The following COL11A1 variants were observed in gnomAD, a reference collection of about 807,000 sequenced individuals.
COL11A1 encodes the protein collagen type XI alpha 1 chain.
In COL11A1, 74 loss-of-function variants were observed where a neutral mutation model predicts 265.2. The observed-to-expected ratio is 0.28, with a 90% confidence interval of 0.23 to 0.34. COL11A1 has a LOEUF of 0.34. Among genes scored for constraint, COL11A1 ranks in the 10% least tolerant of loss-of-function variants. The probability of loss-of-function intolerance (pLI) is 1.00; values close to 1 mark genes in which losing one functional copy is unlikely to be tolerated. For synonymous variants in COL11A1, 816 were observed against 727.6 expected, an observed-to-expected ratio of 1.12 and a Z score of -1.96; for missense variants, 2,165 against 2,263.6, an observed-to-expected ratio of 0.96 and a Z score of 0.88.
chr1:103,001,965 A>G lies in COL11A1; in HGVS notation c.2102T>C (p.Leu701Pro). The change falls in exon 24 of 67, where the codon CTT (leucine) becomes CCT (proline). Residue 701 changes from leucine (L) to proline (P), a missense_variant. Transcript: ENST00000370096. ...ACCAATTGGACCTTGTGGACCAGGA[A>G]GACCCTATTTTAAAAGAATTTATTT... The part of the protein sequence containing the change: ...GQQGNPGPQG[L>P]PGPQGPIGPP... 6.2e-7 allele frequency: 1 copy of G among 1,612,812 alleles called. No individual in the cohort carries two copies. The highest frequency in any genetic ancestry group is 1.1e-5 in the South Asian group (1 of 91,054).
At position 103,001,316 on chromosome 1, in the gene COL11A1, A is replaced by C. The variant is rs368322814; in HGVS notation, c.2142+609T>G. 7.6e-6 allele frequency: 3 copies of C among 396,450 alleles called. No individual in the cohort carries two copies. In the East Asian group the frequency reaches 1.1e-4, roughly 14 times the overall value. 24.6% of individuals were successfully genotyped at this position (396,450 alleles called of 1,614,324 possible). ...TTTTTTTAATTAATATGTTTGTAGA[A>C]ATCAACAAAAATAATGAAAGAAAAA... On this transcript the variant is annotated intron_variant, in intron 24 of 66. Transcript: ENST00000370096.
chr1:103,044,392 C>G (rs1029643591), intron 4 of COL11A1, among the ~76,000 whole-genome samples: 7 of 152,078 alleles, frequency 4.6e-5, no homozygotes, highest in Admixed American at 1.3e-4. Flanking sequence ...CCAAAACTAA[C>G]TTAAGAAACC....
At chr1:102,890,938 C>G (rs1440353823) in intron 57 of COL11A1, among the ~76,000 whole-genome samples, 1 of 151,788 alleles carries the variant, frequency 6.6e-6, no homozygotes, top group African/African-American at 2.4e-5. Context: ...TCTTTGATAA[C>G]CACAGGAAAA....
chr1:102,979,153 T>A (rs766233238), intron 32 of COL11A1, 49 bp from the exon 33 acceptor site: 8 of 1,545,194 alleles, frequency 5.2e-6, no homozygotes, highest in Non-Finnish European at 7.2e-6. Flanking sequence ...CAGTAAATTA[T>A]GAGCCTGGTG....
intron 4 of COL11A1, among the ~76,000 whole-genome samples, chr1:103,031,637 T>C (rs12725698): frequency 0.081 from 12,286 of 152,068 alleles, 552 homozygotes; most frequent in Middle Eastern, 0.14. Flanking sequence ...ATAGTAATAC[T>C]AAATAAGTAA....
At chr1:102,940,590 G>A (rs528017635) in intron 42 of COL11A1, among the ~76,000 whole-genome samples, 156 bp from the exon 43 acceptor site, 2 of 152,222 alleles carry the variant, frequency 1.3e-5, no homozygotes, top group East Asian at 3.9e-4. Flanking sequence ...CTTCATTTGT[G>A]ACTAAGAATA....
rs757608461 is a variant in COL11A1 at position 102,879,838 on chromosome 1, G to T, written c.5119C>A (p.Arg1707=). 6.2e-7 allele frequency: 1 copy of T among 1,613,940 alleles called. No individual in the cohort carries two copies. The highest frequency in any genetic ancestry group is 8.5e-7 in the Non-Finnish European group (1 of 1,179,900). The change falls in exon 66 of 67, where the codon CGG becomes AGG. Residue 1707 remains arginine (R), a synonymous_variant. Coordinates refer to ENST00000370096, the MANE Select transcript of COL11A1 (RefSeq NM_001854.4). ...TGACAGTGGTAGGTGAAATTTTGCCGAGCAGAGGCAGTCAGAAGTTTCAGG... is the reference window on the plus strand; with the variant it reads ...TGACAGTGGTAGGTGAAATTTTGCCTAGCAGAGGCAGTCAGAAGTTTCAGG... ...TFLKLLTASA[R]QNFTYHCHQS...
rs144245515 is a variant in COL11A1, at chr1:102,906,399, A to G, written c.4086+5760T>C. Among the ~76,000 whole-genome samples the G allele has an allele frequency of 2.5e-3, 386 of 152,112 alleles. 5 individuals are homozygous for G. Among genetic ancestry groups the G allele is most frequent in the African/African-American group, 8.9e-3 (369 of 41,510 alleles). On this transcript the variant is annotated intron_variant, in intron 54 of 66. Coordinates refer to ENST00000370096, the MANE Select transcript of COL11A1 (RefSeq NM_001854.4). ...ATGTTAGTAAGTAATTTGGGCTTCA[A>G]TTTTTGGGTTTACTTTTTGTTTTCT...
intron 14 of COL11A1, 22 bp from the exon 15 acceptor site, chr1:103,008,538 A>G (rs772238028): frequency 1.2e-6 from 2 of 1,604,408 alleles, no homozygotes; most frequent in East Asian, 2.2e-5. Flanking sequence ...AAGTGAAGAT[A>G]TTTCACTTAA....
intron 4 of COL11A1, among the ~76,000 whole-genome samples, chr1:103,034,952 C>A (rs1221727423): frequency 6.6e-6 from 1 of 151,880 alleles, no homozygotes; most frequent in East Asian, 1.9e-4. Flanking sequence ...TGCCTGTGGC[C>A]AATGAGGTCT....
chr1:103,071,124 T>C (rs1671554111), intron 4 of COL11A1, among the ~76,000 whole-genome samples: 1 of 151,988 alleles, frequency 6.6e-6, no homozygotes, highest in Non-Finnish European at 1.5e-5. Flanking sequence ...CACAAAGCTT[T>C]TCTACTCAAA....
chr1:102,948,626 G>T (rs1452903185), intron 41 of COL11A1, among the ~76,000 whole-genome samples: 1 of 151,940 alleles, frequency 6.6e-6, no homozygotes, highest in Non-Finnish European at 1.5e-5. Flanking sequence ...TAAATGAGTT[G>T]TATGTAAACT....
chr1:102,890,412 GC>G, intron 58 of COL11A1, 38 bp downstream of exon 58: 1 of 1,539,554 alleles, frequency 6.5e-7, no homozygotes. Flanking sequence ...GTATATAAAA[GC>G]ATATTCTTTT....
At chr1:102,927,641 T>A (rs1656768113) in intron 46 of COL11A1, among the ~76,000 whole-genome samples, 1 of 150,446 alleles carries the variant, frequency 6.6e-6, no homozygotes. Flanking sequence ...AGACGCCGTC[T>A]CAAAAAAACA....
At chr1:102,969,312 T>C (rs1279960751) in intron 37 of COL11A1, among the ~76,000 whole-genome samples, 1 of 152,188 alleles carries the variant, frequency 6.6e-6, no homozygotes. Flanking sequence ...TTTATTATAG[T>C]ACATTGCTAT....
At chr1:102,882,326 C>T (rs1270485635) in intron 64 of COL11A1, among the ~76,000 whole-genome samples, 4 of 152,170 alleles carry the variant, frequency 2.6e-5, no homozygotes, top group Admixed American at 2.6e-4. Context: ...TAAGTCTTCA[C>T]AATAGGGAAC....
intron 4 of COL11A1, 21 bp from the exon 5 acceptor site, chr1:103,031,265 AAAAC>A (rs762843094): frequency 1.3e-5 from 21 of 1,598,836 alleles, no homozygotes; most frequent in Middle Eastern, 1.6e-4. Flanking sequence ...AAAAAAAACA[AAAAC>A]AAACAGACAC....
chr1:102,885,282 T>C (rs544087606), intron 63 of COL11A1, among the ~76,000 whole-genome samples: 184 of 152,218 alleles, frequency 1.2e-3, no homozygotes, highest in Non-Finnish European at 1.9e-3. Context: ...TTTATAGGGG[T>C]GTCAGCTTTG....
chr1:102,989,884 C>A (rs1410869412), intron 28 of COL11A1, among the ~76,000 whole-genome samples: 1 of 152,002 alleles, frequency 6.6e-6, no homozygotes, highest in Non-Finnish European at 1.5e-5. Flanking sequence ...ACTGGTTAAA[C>A]AAATAAAAAG....
Sources: allele counts gnomAD v4.1 joint callset (sites outside exome capture counted in the v4.1 genomes callset), GRCh38; gene constraint gnomAD v4.1.1; transcripts MANE v1.5; gene names NCBI Gene and HGNC (gene_info 2026-07-23, HGNC 2026-07-21).